The following FOXN2 variants were observed in gnomAD, a reference collection of about 807,000 sequenced individuals.
FOXN2 encodes the protein forkhead box N2.
A neutral mutation model predicts 41.2 loss-of-function variants in FOXN2; 19 were observed. The observed-to-expected ratio is 0.46, with a 90% CI of 0.32 to 0.68. The LOEUF (loss-of-function observed/expected upper bound fraction) is 0.68. Ranked by LOEUF, FOXN2 falls within the 30% of genes least tolerant of loss-of-function variation. The pLI, the probability that FOXN2 is intolerant of heterozygous loss-of-function variation, is 0.03. For missense variants in FOXN2, 587 were observed against 509.4 expected (o/e 1.15, Z -1.47); for synonymous variants, 195 against 176.8 (o/e 1.10, Z -0.82).
intron 3 of FOXN2, among the ~76,000 whole-genome samples, chr2:48,357,795 G>T (rs1345631126): frequency 6.9e-6 from 1 of 145,322 alleles, no homozygotes; most frequent in Non-Finnish European, 1.5e-5. Flanking sequence ...CCAGGTGACT[G>T]AACATATAGC....
intron 4 of FOXN2, 128 bp downstream of exon 4, chr2:48,359,275 G>GA (rs1002140668): frequency 1.0e-5 from 5 of 476,678 alleles, no homozygotes; most frequent in African/African-American, 2.5e-5. Flanking sequence ...GTTTTATTTA[G>GA]TTTTTAGTTT....
At chr2:48,338,203 C>A (rs750206007) in intron 2 of FOXN2, among the ~76,000 whole-genome samples, 54 of 152,276 alleles carry the variant, frequency 3.5e-4, no homozygotes, top group Middle Eastern at 6.8e-3. Flanking sequence ...CTCGATATCT[C>A]ATCGATCAGA....
chr2:48,348,453 T>C (rs1052498663), intron 3 of FOXN2, among the ~76,000 whole-genome samples: 4 of 152,228 alleles, frequency 2.6e-5, no homozygotes, highest in African/African-American at 9.6e-5. Context: ...TTATATAATG[T>C]CTGTCAGTTT....
intron 1 of FOXN2, among the ~76,000 whole-genome samples, chr2:48,321,489 T>C (rs1669314551): frequency 6.6e-6 from 1 of 152,136 alleles, no homozygotes; most frequent in Non-Finnish European, 1.5e-5. Context: ...TGAGCCGAGA[T>C]TGCCCCACTG....
At chr2:48,320,939 A>T (rs1309881660) in intron 1 of FOXN2, among the ~76,000 whole-genome samples, 1 of 151,984 alleles carries the variant, frequency 6.6e-6, no homozygotes, top group Admixed American at 6.6e-5. Flanking sequence ...TTTGTCAGAG[A>T]TTGCCTAAGT....
In FOXN2 at chr2:48,364,731, G is replaced by A. The variant is rs548881031; in HGVS notation, c.703+2024G>A. On this transcript the variant is annotated intron_variant, in intron 5 of 6. Transcript: ENST00000340553. ...TTTGGGTGTCCCATGAGCTAAGGAT[G>A]GTTTTACATTTGTAAAATGGTTGGA... Among the ~76,000 whole-genome samples the A allele has an allele frequency of 2.0e-3, 308 of 152,318 alleles. 2 individuals carry two copies. The highest frequency in any genetic ancestry group is 4.0e-3 in the Admixed American group (61 of 15,300).
chr2:48,322,120 G>T (rs1669367289), intron 1 of FOXN2, among the ~76,000 whole-genome samples: 1 of 152,028 alleles, frequency 6.6e-6, no homozygotes, highest in African/African-American at 2.4e-5. Context: ...TAATTTTTTT[G>T]TATTTTTAGT....
At chr2:48,354,062 G>A (rs927610529) in intron 3 of FOXN2, among the ~76,000 whole-genome samples, 5 of 152,090 alleles carry the variant, frequency 3.3e-5, no homozygotes, top group African/African-American at 1.2e-4. Context: ...CATCTACTAG[G>A]TACTTAGAAA....
chr2:48,373,566 A>G (rs1340434350), intron 6 of FOXN2, among the ~76,000 whole-genome samples: 6 of 152,142 alleles, frequency 3.9e-5, no homozygotes, highest in Non-Finnish European at 1.5e-5. Flanking sequence ...TTTTTCTTAC[A>G]TTGACCAAGA....
chr2:48,335,507 C>G (rs1670273850), intron 2 of FOXN2, among the ~76,000 whole-genome samples: 1 of 138,606 alleles, frequency 7.2e-6, no homozygotes, highest in Non-Finnish European at 1.6e-5. Flanking sequence ...TAGTAGTGGA[C>G]TATGAAATGA....
chr2:48,341,190 T>TTA (rs1670741307), intron 2 of FOXN2, among the ~76,000 whole-genome samples: 1 of 152,178 alleles, frequency 6.6e-6, no homozygotes. Context: ...TTCCTTTTAT[T>TTA]TATGCATTTG....
rs1444886847 is a variant in FOXN2, at chr2:48,378,376, G to A, written c.*2933G>A. 1 of 151,262 alleles carries A rather than the reference G, an allele frequency of 6.6e-6. No homozygotes were observed. Among genetic ancestry groups the A allele is most frequent in the Non-Finnish European group, 1.5e-5 (1 of 67,740 alleles). The allele number at this position is 151,262 out of a possible 1,614,324, so 9.4% of individuals were successfully genotyped here. On this transcript the variant is annotated 3_prime_UTR_variant, in exon 7 of 7. Coordinates refer to ENST00000340553, the MANE Select transcript of FOXN2 (RefSeq NM_002158.4). Reference sequence around the variant, plus strand: ...ATTCCTTTGTATATAGTAAAGTTTAGTATATATATATTTTTTTCTTTTTGC... The same window carrying A: ...ATTCCTTTGTATATAGTAAAGTTTAATATATATATATTTTTTTCTTTTTGC...
At chr2:48,353,057 A>G (rs1671555020) in intron 3 of FOXN2, among the ~76,000 whole-genome samples, 1 of 152,178 alleles carries the variant, frequency 6.6e-6, no homozygotes, top group Non-Finnish European at 1.5e-5. Context: ...ATGTTCCTAG[A>G]TCCAGATAGA....
chr2:48,364,994 A>G (rs1672440882), intron 5 of FOXN2, among the ~76,000 whole-genome samples: 1 of 152,232 alleles, frequency 6.6e-6, no homozygotes, highest in African/African-American at 2.4e-5. Context: ...TTGACTTTTT[A>G]AAAGTATATC....
At chr2:48,367,057 T>G (rs1672580036) in intron 5 of FOXN2, among the ~76,000 whole-genome samples, 1 of 152,192 alleles carries the variant, frequency 6.6e-6, no homozygotes, top group Non-Finnish European at 1.5e-5. Flanking sequence ...CTCCAGAAAC[T>G]GTTATCAGCC....
intron 3 of FOXN2, among the ~76,000 whole-genome samples, chr2:48,348,681 T>C (rs1671265233): frequency 6.6e-6 from 1 of 152,248 alleles, no homozygotes. Context: ...GAGAAGAGTT[T>C]TGAGTGTTTG....
chr2:48,352,545 G>A (rs1274638382), intron 3 of FOXN2, among the ~76,000 whole-genome samples: 2 of 152,082 alleles, frequency 1.3e-5, no homozygotes, highest in Non-Finnish European at 2.9e-5. Context: ...TATGTCGTCT[G>A]TGATCTTATG....
At chr2:48,317,084 T>C (rs541240417) in intron 1 of FOXN2, among the ~76,000 whole-genome samples, 8 of 152,234 alleles carry the variant, frequency 5.3e-5, no homozygotes, top group East Asian at 1.9e-4. Flanking sequence ...AAAATACTTA[T>C]ATAAGGCTAA....
chr2:48,347,420 G>A (rs1476104398), intron 3 of FOXN2, among the ~76,000 whole-genome samples: 3 of 151,696 alleles, frequency 2.0e-5, no homozygotes, highest in Non-Finnish European at 2.9e-5. Context: ...TAGAGATGGG[G>A]TTTTGCCATG....
Sources: gnomAD v4.1 joint callset for allele counts (sites outside exome capture counted in the v4.1 genomes callset) on GRCh38, gnomAD v4.1.1 for gene constraint, MANE v1.5 for transcripts, NCBI Gene and HGNC (gene_info 2026-07-23, HGNC 2026-07-21) for gene names.